NT5M: variants seen among roughly 807,000 people sequenced by gnomAD.
NT5M encodes the protein 5'(3')-deoxyribonucleotidase, mitochondrial.
A neutral mutation model predicts 22.2 loss-of-function variants in NT5M; 22 were observed. That is an observed-to-expected ratio of 0.99 (90% CI 0.71 to 1.41). The LOEUF (loss-of-function observed/expected upper bound fraction) is 1.41, where lower values mean the gene tolerates loss of function less well. NT5M is among the 40% of genes most tolerant of loss of function. The probability of loss-of-function intolerance (pLI) is 0.00; values close to 1 mark genes in which losing one functional copy is unlikely to be tolerated. For missense variants in NT5M, 322 were observed against 314.8 expected, an observed-to-expected ratio of 1.02 and a Z score of -0.17; for synonymous variants, 167 against 133.0, an observed-to-expected ratio of 1.26 and a Z score of -1.76.
Position 17,331,867 on chromosome 17 carries a change from G to A in NT5M, c.429+8622G>A, listed in dbSNP as rs1042829043. 1.0e-4 allele frequency among the ~76,000 whole-genome samples: 15 copies of A among 150,676 alleles called. 1 individual carries two copies. Among genetic ancestry groups the A allele is most frequent in the African/African-American group, 3.7e-4 (15 of 40,456 alleles). ...GCGATCTCTGCTCACTGCAAGCTCC[G>A]CCTCCTGGGTTCACACCATTCTCCT... On this transcript the variant is annotated intron_variant, in intron 3 of 4. Transcript: ENST00000389022.
At chr17:17,313,125 T>C (rs565051805) in intron 2 of NT5M, among the ~76,000 whole-genome samples, 142 of 151,300 alleles carry the variant, frequency 9.4e-4, no homozygotes, top group Non-Finnish European at 1.5e-3. Flanking sequence ...AAAAATTAGC[T>C]GGGTGTGGTG....
chr17:17,327,943 A>G lies in NT5M; in HGVS notation c.429+4698A>G, dbSNP rs1230398775. On this transcript the variant is annotated intron_variant, in intron 3 of 4. Transcript: ENST00000389022. The stretch of plus-strand genomic sequence containing the variant: ...GCTGGGATTACAGGTGTGAGCCACC[A>G]TGCCCAGCCAGAAACATGATTGTTA... Among the ~76,000 whole-genome samples the G allele has an allele frequency of 1.3e-5, 2 of 152,102 alleles. 1 individual carries two copies. Among genetic ancestry groups the G allele is most frequent in the Non-Finnish European group, 2.9e-5 (2 of 68,024 alleles).
chr17:17,326,142 C>T (rs1352503307), intron 3 of NT5M, among the ~76,000 whole-genome samples: 2 of 152,252 alleles, frequency 1.3e-5, no homozygotes, highest in African/African-American at 4.8e-5. Context: ...ATTCATTTGA[C>T]ACCTTTGATA....
rs2049778799 is a variant in NT5M at position 17,347,171 on chromosome 17, C to T, written c.*224C>T. 6.8e-6 allele frequency: 4 copies of T among 584,592 alleles called. No individual in the cohort carries two copies. Among genetic ancestry groups the T allele is most frequent in the Admixed American group, 3.4e-5 (1 of 29,756 alleles). The allele number at this position is 584,592 out of a possible 1,614,324, so 36.2% of individuals were successfully genotyped here. A position where few individuals can be genotyped will look rare whatever the true frequency, so the allele number is the denominator to read the frequency against. On this transcript the variant is annotated 3_prime_UTR_variant, in exon 5 of 5. Transcript: ENST00000389022. Reference sequence around the variant, plus strand: ...TGGACATAGACACGTGGTCCCAGGCCGTTCAGCCTGACCTCAGGCAGCAGG... The same window carrying T: ...TGGACATAGACACGTGGTCCCAGGCTGTTCAGCCTGACCTCAGGCAGCAGG...
intron 2 of NT5M, among the ~76,000 whole-genome samples, chr17:17,311,186 TA>T (rs1315096387): frequency 2.0e-5 from 3 of 151,622 alleles, no homozygotes; most frequent in Non-Finnish European, 4.4e-5. Flanking sequence ...AATACAAAAA[TA>T]ATTAGCTGGG....
intron 3 of NT5M, among the ~76,000 whole-genome samples, chr17:17,325,914 C>T (rs895456789): frequency 6.6e-6 from 1 of 152,184 alleles, no homozygotes; most frequent in Admixed American, 6.5e-5. Context: ...CTTCCCACCA[C>T]TTGAAATGGG....
At chr17:17,305,982 C>T (rs2048792533) in intron 1 of NT5M, among the ~76,000 whole-genome samples, 1 of 152,078 alleles carries the variant, frequency 6.6e-6, no homozygotes, top group Non-Finnish European at 1.5e-5. Context: ...GCAGCAGAAT[C>T]CTTTTTTTAA....
Position 17,303,745 on chromosome 17 carries a change from C to A in NT5M, c.195C>A (p.Pro65=). 6.3e-7 allele frequency: 1 copy of A among 1,589,774 alleles called. No homozygotes were observed. The highest frequency in any genetic ancestry group is 1.4e-5 in the African/African-American group (1 of 72,160). The change falls in exon 1 of 5, where the codon CCC becomes CCA. Residue 65 remains proline, a synonymous_variant. Coordinates refer to ENST00000389022, the MANE Select transcript of NT5M (RefSeq NM_020201.4). ...RKFRARFPDQ[P]FIALEDRRGF... ...TCCGCGCGCGCTTTCCCGACCAGCC[C>A]TTCATCGCGCTGGAGGACCGGCGCG...
chr17:17,304,460 G>T, intron 1 of NT5M: 1 of 983,154 alleles, frequency 1.0e-6, no homozygotes, highest in Non-Finnish European at 1.2e-6. Context: ...AAGGAGGGAC[G>T]TTTACACACA....
chr17:17,304,859 TG>T (rs1567876894), intron 1 of NT5M, among the ~76,000 whole-genome samples: 2 of 152,280 alleles, frequency 1.3e-5, no homozygotes, highest in Non-Finnish European at 2.9e-5. Flanking sequence ...ATCAGAAAGA[TG>T]CCTCATCAGT....
chr17:17,307,769 T>C (rs958736100), intron 2 of NT5M, among the ~76,000 whole-genome samples: 8 of 152,170 alleles, frequency 5.3e-5, no homozygotes, highest in Middle Eastern at 3.4e-3. Context: ...GGCAGGATAA[T>C]TGTTTGAACC....
chr17:17,338,677 G>GTTTTTTTTTT (rs59650601), intron 3 of NT5M, among the ~76,000 whole-genome samples: 299 of 73,096 alleles, frequency 4.1e-3, no homozygotes, highest in East Asian at 5.5e-3. Context: ...AATGTTAAGG[G>GTTTTTTTTTT]TTTTTTTTTT....
At chr17:17,321,776 G>A (rs913132867) in intron 2 of NT5M, among the ~76,000 whole-genome samples, 1 of 151,874 alleles carries the variant, frequency 6.6e-6, no homozygotes, top group Non-Finnish European at 1.5e-5. Context: ...GCAGAGGATG[G>A]CAGCGAAGGC....
intron 3 of NT5M, among the ~76,000 whole-genome samples, chr17:17,323,585 C>G (rs1258943526): frequency 6.6e-6 from 1 of 152,196 alleles, no homozygotes; most frequent in African/African-American, 2.4e-5. Flanking sequence ...GTTCATTTTG[C>G]TGTATACTCA....
At chr17:17,315,033 T>C (rs1266667794) in intron 2 of NT5M, among the ~76,000 whole-genome samples, 1 of 152,212 alleles carries the variant, frequency 6.6e-6, no homozygotes, top group Non-Finnish European at 1.5e-5. Context: ...TCTGGCTCTA[T>C]TCTTAGTTCC....
At chr17:17,326,734 T>C (rs974377329) in intron 3 of NT5M, among the ~76,000 whole-genome samples, 1 of 152,150 alleles carries the variant, frequency 6.6e-6, no homozygotes, top group African/African-American at 2.4e-5. Context: ...CTGCAGTTGG[T>C]GGCAGAGGCG....
intron 3 of NT5M, among the ~76,000 whole-genome samples, chr17:17,335,897 G>C (rs1036879164): frequency 6.6e-6 from 1 of 151,970 alleles, no homozygotes; most frequent in African/African-American, 2.4e-5. Flanking sequence ...CTCCCAAGGT[G>C]CTGGGATTAC....
chr17:17,316,142 G>A (rs2049023789), intron 2 of NT5M, among the ~76,000 whole-genome samples: 1 of 150,388 alleles, frequency 6.6e-6, no homozygotes, highest in African/African-American at 2.5e-5. Flanking sequence ...ACTACAACCT[G>A]TATCTCCCGG....
Position 17,313,203 on chromosome 17 carries a change from CT to C in NT5M, c.368+6561del, listed in dbSNP as rs759349745. ...TGAGGCAGGAGAATCGCTTGAACCC[CT>C]GGAGGCAGAGGTTGTGGTGAGCTGA... is the stretch of plus-strand genomic sequence containing the variant. On this transcript the variant is annotated intron_variant, in intron 2 of 4. Coordinates refer to ENST00000389022, the MANE Select transcript of NT5M (RefSeq NM_020201.4). Among the ~76,000 whole-genome samples, 31 of 152,194 alleles carry C rather than the reference CT, an allele frequency of 2.0e-4. 1 individual carries two copies. In the South Asian group the frequency reaches 3.5e-3, roughly 17 times the overall value.
Sources: allele counts gnomAD v4.1 joint callset (sites outside exome capture counted in the v4.1 genomes callset), GRCh38; gene constraint gnomAD v4.1.1; transcripts MANE v1.5; gene names NCBI Gene and HGNC (gene_info 2026-07-23, HGNC 2026-07-21).